The following SMURF1 variants were observed in gnomAD, a reference collection of about 807,000 sequenced individuals.
The protein encoded by SMURF1 is E3 ubiquitin-protein ligase SMURF1.
In SMURF1, 44 loss-of-function variants were observed where a neutral mutation model predicts 98.0. The observed-to-expected ratio is 0.45, with a 90% CI of 0.35 to 0.58. The LOEUF is 0.58. SMURF1 is among the 20% of genes least tolerant of loss of function. The pLI is 0.00. For synonymous variants in SMURF1, 396 were observed against 374.9 expected (o/e 1.06, Z -0.65); for missense variants, 687 against 938.4 (o/e 0.73, Z 3.50).
chr7:99,060,476 C>T (rs1796005746), intron 3 of SMURF1, 123 bp downstream of exon 3: 1 of 560,476 alleles, frequency 1.8e-6, no homozygotes, highest in Non-Finnish European at 3.1e-6. Flanking sequence ...TTCATTTGGC[C>T]ATCCGCTTTT....
intron 1 of SMURF1, among the ~76,000 whole-genome samples, chr7:99,123,642 A>G (rs970041948): frequency 3.3e-5 from 5 of 152,232 alleles, no homozygotes; most frequent in Non-Finnish European, 7.3e-5. Context: ...CATCTGTATC[A>G]TAATAAAGCT....
At chr7:99,121,224 G>GAAA (rs1797610963) in intron 1 of SMURF1, 3 of 14,006 alleles carry the variant, frequency 2.1e-4, no homozygotes, top group Admixed American at 1.4e-3. Flanking sequence ...AAGAGTCAAA[G>GAAA]CAAAAAAAAA....
chr7:99,033,257 T>G, intron 16 of SMURF1, 136 bp from the exon 17 acceptor site: 1 of 798,774 alleles, frequency 1.3e-6, no homozygotes, highest in South Asian at 1.7e-5. Context: ...GAGAGGGCCA[T>G]GAGGTTCCCA....
chr7:99,045,930 C>G, intron 10 of SMURF1, 129 bp from the exon 11 acceptor site: 1 of 676,516 alleles, frequency 1.5e-6, no homozygotes, highest in Non-Finnish European at 2.6e-6. Flanking sequence ...GGCTCCTCAT[C>G]AGAATGTTTC....
At chr7:99,123,290 C>T (rs996580090) in intron 1 of SMURF1, among the ~76,000 whole-genome samples, 3 of 152,086 alleles carry the variant, frequency 2.0e-5, no homozygotes, top group Non-Finnish European at 2.9e-5. Context: ...GTAATTCCAG[C>T]ACTTTGGGAG....
At position 99,030,444 on chromosome 7, in the gene SMURF1, A is replaced by G; in HGVS notation, c.*140T>C. 2.8e-6 allele frequency: 2 copies of G among 716,844 alleles called. No homozygotes were observed. The highest frequency in any genetic ancestry group is 3.5e-5 in the South Asian group (2 of 56,970). The allele number at this position is 716,844 out of a possible 1,614,324, so 44.4% of individuals were successfully genotyped here. On this transcript the variant is annotated 3_prime_UTR_variant, in exon 18 of 18. Coordinates refer to ENST00000361368, the MANE Select transcript of SMURF1 (RefSeq NM_181349.3). The stretch of plus-strand genomic sequence containing the variant: ...AAAAGTCCCCCATCCCCCTCCCCCA[A>G]CAGAAAGGAGAGAGACAACCCTTTC...
At chr7:99,052,850 G>T (rs1171672421) in intron 6 of SMURF1, among the ~76,000 whole-genome samples, 1 of 152,176 alleles carries the variant, frequency 6.6e-6, no homozygotes, top group Admixed American at 6.6e-5. Context: ...GATCACTTGA[G>T]GTCAGGAGTT....
At chr7:99,118,235 G>A (rs961923794) in intron 1 of SMURF1, among the ~76,000 whole-genome samples, 10 of 152,178 alleles carry the variant, frequency 6.6e-5, no homozygotes, top group African/African-American at 2.2e-4. Flanking sequence ...ACTGGAAAAC[G>A]GTTTGGCAGT....
At chr7:99,060,911 G>T (rs1404230639) in intron 2 of SMURF1, among the ~76,000 whole-genome samples, 1 of 151,928 alleles carries the variant, frequency 6.6e-6, no homozygotes, top group Non-Finnish European at 1.5e-5. Flanking sequence ...AAAAAAAAAG[G>T]CTTACATTCA....
chr7:99,033,982 G>A (rs1375676139), intron 16 of SMURF1, among the ~76,000 whole-genome samples: 1 of 152,236 alleles, frequency 6.6e-6, no homozygotes, highest in African/African-American at 2.4e-5. Flanking sequence ...TTTCAAGCTG[G>A]GCCAAGGTCA....
intron 1 of SMURF1, among the ~76,000 whole-genome samples, chr7:99,131,766 AT>A (rs978431469): frequency 1.3e-5 from 2 of 152,146 alleles, no homozygotes; most frequent in Non-Finnish European, 2.9e-5. Flanking sequence ...CTGCTACAAA[AT>A]GCAATCTAGG....
At chr7:99,038,941 C>A (rs919182075) in intron 13 of SMURF1, among the ~76,000 whole-genome samples, 4 of 152,000 alleles carry the variant, frequency 2.6e-5, no homozygotes, top group African/African-American at 7.2e-5. Context: ...CACCTGTAAT[C>A]CCAGCACTTT....
At chr7:99,036,957 C>G in intron 15 of SMURF1, 110 bp downstream of exon 15, 1 of 1,544,972 alleles carries the variant, frequency 6.5e-7, no homozygotes, top group East Asian at 2.3e-5. Flanking sequence ...CCCAGCAGCT[C>G]CTAGGCTTAC....
intron 1 of SMURF1, among the ~76,000 whole-genome samples, chr7:99,128,040 T>C (rs1018318023): frequency 6.6e-6 from 1 of 152,174 alleles, no homozygotes; most frequent in Non-Finnish European, 1.5e-5. Context: ...ACTGTTCAGA[T>C]GAACCCTATG....
rs1238107171 is a variant in SMURF1, at chr7:99,049,697, A to G, written c.819T>C (p.Ser273=). The G allele has an allele frequency of 3.1e-6, 5 of 1,613,924 alleles. No individual in the cohort carries two copies. The highest frequency in any genetic ancestry group is 4.2e-6 in the Non-Finnish European group (5 of 1,180,018). Residue 273 remains serine (S), a synonymous_variant, in exon 9 of 18, where the codon AGT becomes AGC. Coordinates refer to ENST00000361368, the MANE Select transcript of SMURF1 (RefSeq NM_181349.3). ...GTGGTCCAAGTTCATCACAGTTCAC[A>G]CTGTTAAGGTCTCTACCAAAATGGA... ...HDPRIPRDLN[S]VNCDELGPLP...
chr7:99,141,754 C>G (rs1798121928), intron 1 of SMURF1, among the ~76,000 whole-genome samples: 1 of 152,048 alleles, frequency 6.6e-6, no homozygotes, highest in Non-Finnish European at 1.5e-5. Flanking sequence ...AAAAAATTAC[C>G]TATTGTTTGC....
intron 13 of SMURF1, 115 bp from the exon 14 acceptor site, chr7:99,038,640 C>A (rs991755215): frequency 7.9e-7 from 1 of 1,260,746 alleles, no homozygotes. Flanking sequence ...AGGACAGCCT[C>A]GGGCAGACAC....
At chr7:99,099,209 CTTTTTTT>C (rs57973305) in intron 1 of SMURF1, among the ~76,000 whole-genome samples, 1 of 129,502 alleles carries the variant, frequency 7.7e-6, no homozygotes, top group Non-Finnish European at 1.6e-5. Flanking sequence ...AACACTACTA[CTTTTTTT>C]TTTTTTTTTT....
At chr7:99,050,675 C>G (rs1486718269) in intron 8 of SMURF1, 2 of 383,708 alleles carry the variant, frequency 5.2e-6, no homozygotes, top group African/African-American at 4.0e-5. Flanking sequence ...AAAGAGACAC[C>G]TCATTCATTT....
Sources: gnomAD v4.1 joint callset for allele counts (sites outside exome capture counted in the v4.1 genomes callset) on GRCh38, gnomAD v4.1.1 for gene constraint, MANE v1.5 for transcripts, NCBI Gene and HGNC (gene_info 2026-07-23, HGNC 2026-07-21) for gene names.